The following PLEKHM3 variants were observed in gnomAD, a reference collection of about 807,000 sequenced individuals.
PLEKHM3 encodes the protein pleckstrin homology domain containing M3, also known as pleckstrin homology domain-containing family M member 3.
PLEKHM3 carries 45 observed loss-of-function variants against 81.8 expected under a neutral mutation model. The observed-to-expected ratio is 0.55, with a 90% CI of 0.43 to 0.71. PLEKHM3 has a LOEUF of 0.71. PLEKHM3 is among the 30% of genes least tolerant of loss of function. The pLI, the probability that PLEKHM3 is intolerant of heterozygous loss-of-function variation, is 0.00. For synonymous variants in PLEKHM3, 352 were observed against 356.4 expected (o/e 0.99, Z 0.14); for missense variants, 788 against 924.3 (o/e 0.85, Z 1.91).
At chr2:207,916,648 T>C (rs1689001977) in intron 5 of PLEKHM3, among the ~76,000 whole-genome samples, 1 of 151,986 alleles carries the variant, frequency 6.6e-6, no homozygotes, top group Admixed American at 6.6e-5. Context: ...CTAGGAATGC[T>C]GAAACAGGAA....
chr2:207,924,760 C>T (rs1253103957), intron 5 of PLEKHM3, among the ~76,000 whole-genome samples: 13 of 152,174 alleles, frequency 8.5e-5, no homozygotes, highest in African/African-American at 3.1e-4. Flanking sequence ...GCACCTTCTG[C>T]TAGCTCACAT....
intron 4 of PLEKHM3, among the ~76,000 whole-genome samples, chr2:207,943,296 T>C (rs572061223): frequency 2.6e-5 from 4 of 152,334 alleles, no homozygotes; most frequent in South Asian, 4.1e-4. Flanking sequence ...CCCATAAACA[T>C]GTACAATTAT....
chr2:207,936,995 G>GA (rs1031699754), intron 4 of PLEKHM3, among the ~76,000 whole-genome samples: 2 of 151,958 alleles, frequency 1.3e-5, no homozygotes, highest in Non-Finnish European at 2.9e-5. Flanking sequence ...ATTTTTGTAT[G>GA]AAAAAATACA....
intron 3 of PLEKHM3, among the ~76,000 whole-genome samples, chr2:207,961,033 GT>G (rs1413315135): frequency 3.9e-5 from 6 of 152,214 alleles, no homozygotes; most frequent in Non-Finnish European, 7.3e-5. Context: ...CCTCAAAATA[GT>G]GTTGAAGAGG....
chr2:207,928,096 C>T (rs1689466305), intron 5 of PLEKHM3, among the ~76,000 whole-genome samples: 1 of 152,082 alleles, frequency 6.6e-6, no homozygotes, highest in African/African-American at 2.4e-5. Flanking sequence ...TTTTCTCTGC[C>T]TCAGGTTTGA....
chr2:208,000,898 G>C (rs1692273399), intron 2 of PLEKHM3, 132 bp downstream of exon 2: 1 of 869,152 alleles, frequency 1.2e-6, no homozygotes, highest in Non-Finnish European at 1.7e-6. Context: ...TCATGAGCCA[G>C]ATTAAGAGAG....
intron 1 of PLEKHM3, among the ~76,000 whole-genome samples, chr2:208,005,882 C>G (rs1692478162): frequency 6.6e-6 from 1 of 152,184 alleles, no homozygotes; most frequent in Non-Finnish European, 1.5e-5. Flanking sequence ...GCCTCATGAC[C>G]TATCTACTTC....
chr2:207,824,139 A>C lies in PLEKHM3; in HGVS notation c.*4180T>G, dbSNP rs1245462836. On this transcript the variant is annotated 3_prime_UTR_variant, in exon 8 of 8. Coordinates refer to ENST00000427836, the MANE Select transcript of PLEKHM3 (RefSeq NM_001080475.3). ...TCCTAATGCCCATCACTAACAAGTG[A>C]CACGGAGGCAGGGGAAACAGAGAGT... The C allele has an allele frequency of 6.6e-6, 1 of 152,226 alleles. No individual in the cohort carries two copies. The highest frequency in any genetic ancestry group is 6.5e-5 in the Admixed American group (1 of 15,274). 9.4% of individuals were successfully genotyped at this position (152,226 alleles called of 1,614,324 possible).
At chr2:207,981,960 T>C (rs1002672913) in intron 2 of PLEKHM3, among the ~76,000 whole-genome samples, 1 of 152,202 alleles carries the variant, frequency 6.6e-6, no homozygotes, top group African/African-American at 2.4e-5. Flanking sequence ...CAGGTCCACT[T>C]ATACCTGGAT....
At chr2:207,956,914 G>C (rs975519279) in intron 3 of PLEKHM3, among the ~76,000 whole-genome samples, 20 of 152,062 alleles carry the variant, frequency 1.3e-4, no homozygotes, top group Non-Finnish European at 1.9e-4. Flanking sequence ...AAAGCTGGAA[G>C]GGGAGGGAAC....
intron 4 of PLEKHM3, among the ~76,000 whole-genome samples, chr2:207,942,306 G>A (rs917176947): frequency 2.0e-5 from 3 of 152,054 alleles, no homozygotes; most frequent in Non-Finnish European, 4.4e-5. Context: ...TCAGGAGTTC[G>A]AGGCCAGCCT....
intron 6 of PLEKHM3, among the ~76,000 whole-genome samples, chr2:207,873,420 A>G (rs1325822542): frequency 6.6e-6 from 1 of 152,234 alleles, no homozygotes; most frequent in Non-Finnish European, 1.5e-5. Flanking sequence ...TAGATGATCA[A>G]TAGGGATCTC....
At chr2:207,833,485 G>A (rs2092300136) in intron 7 of PLEKHM3, among the ~76,000 whole-genome samples, 1 of 151,980 alleles carries the variant, frequency 6.6e-6, no homozygotes, top group Admixed American at 6.5e-5. Context: ...TCATCCAATG[G>A]GTTTTTCTGT....
chr2:208,006,521 T>TA (rs1692497846), intron 1 of PLEKHM3, among the ~76,000 whole-genome samples: 1 of 152,222 alleles, frequency 6.6e-6, no homozygotes, highest in South Asian at 2.1e-4. Flanking sequence ...CAGCTACCTG[T>TA]ATCCCATAGA....
chr2:207,943,017 T>C (rs904151978), intron 4 of PLEKHM3, among the ~76,000 whole-genome samples: 16 of 152,238 alleles, frequency 1.1e-4, no homozygotes, highest in Admixed American at 6.5e-4. Flanking sequence ...AGAATGGTGG[T>C]TACCAGAGGC....
intron 6 of PLEKHM3, among the ~76,000 whole-genome samples, chr2:207,874,467 G>A (rs1052963072): frequency 2.0e-5 from 3 of 151,978 alleles, no homozygotes; most frequent in Non-Finnish European, 2.9e-5. Flanking sequence ...CCAACTACTT[G>A]GGAGGCTGAG....
At chr2:207,858,213 G>T (rs2092447684) in intron 7 of PLEKHM3, among the ~76,000 whole-genome samples, 2 of 141,050 alleles carry the variant, frequency 1.4e-5, no homozygotes, top group Non-Finnish European at 3.0e-5. Flanking sequence ...TCACTCTGTT[G>T]CCCAGGCTGG....
intron 6 of PLEKHM3, among the ~76,000 whole-genome samples, chr2:207,865,801 A>AAAAATATATATAT: frequency 7.9e-5 from 2 of 25,290 alleles, no homozygotes; most frequent in African/African-American, 4.2e-4. Flanking sequence ...AAAAAAAAAA[A>AAAAATATATATAT]AGATATATAT....
chr2:208,014,930 G>A (rs1364730142), intron 1 of PLEKHM3, among the ~76,000 whole-genome samples: 1 of 152,186 alleles, frequency 6.6e-6, no homozygotes, highest in Non-Finnish European at 1.5e-5. Context: ...AACATGTCCT[G>A]CAGAGGACAC....
Sources: allele counts gnomAD v4.1 joint callset (sites outside exome capture counted in the v4.1 genomes callset), GRCh38; gene constraint gnomAD v4.1.1; transcripts MANE v1.5; gene names NCBI Gene and HGNC (gene_info 2026-07-23, HGNC 2026-07-21).